The following CNTNAP5 variants were observed in gnomAD, a reference collection of about 807,000 sequenced individuals.
CNTNAP5 encodes contactin associated protein family member 5.
Under a neutral mutation model 150.2 loss-of-function variants are expected in CNTNAP5, and 72 were observed. That is an observed-to-expected ratio of 0.48 (90% CI 0.40 to 0.58). The LOEUF is 0.58. Ranked by LOEUF, CNTNAP5 falls within the 20% of genes least tolerant of loss-of-function variation. The pLI is 0.00. For synonymous variants in CNTNAP5, 672 were observed against 619.8 expected (o/e 1.08, Z -1.25); for missense variants, 1,636 against 1,626.2 (o/e 1.01, Z -0.10).
At chr2:124,132,109 G>A (rs1001039177) in intron 1 of CNTNAP5, among the ~76,000 whole-genome samples, 1 of 152,154 alleles carries the variant, frequency 6.6e-6, no homozygotes, top group African/African-American at 2.4e-5. Context: ...AGGAAGAAAG[G>A]AGATTATTCA....
intron 13 of CNTNAP5, among the ~76,000 whole-genome samples, chr2:124,655,828 G>A (rs568156894): frequency 2.0e-5 from 3 of 151,534 alleles, no homozygotes; most frequent in African/African-American, 7.3e-5. Context: ...TTGATCCCAG[G>A]AGTTCTAGGC....
chr2:124,818,452 A>AAG (rs1682414846), intron 19 of CNTNAP5, among the ~76,000 whole-genome samples: 1 of 152,094 alleles, frequency 6.6e-6, no homozygotes, highest in African/African-American at 2.4e-5. Context: ...ACTTGAGCCC[A>AAG]AGGGGGGTTT....
At chr2:124,595,871 G>A in intron 11 of CNTNAP5, among the ~76,000 whole-genome samples, 1 of 134,250 alleles carries the variant, frequency 7.4e-6, no homozygotes. Context: ...TCTTGGGAGA[G>A]TGTATGTGTC....
At chr2:124,457,040 G>A (rs970409841) in intron 6 of CNTNAP5, among the ~76,000 whole-genome samples, 5 of 152,144 alleles carry the variant, frequency 3.3e-5, no homozygotes, top group Non-Finnish European at 5.9e-5. Context: ...AAAAGTAAAT[G>A]TAATTTAAAC....
chr2:124,447,867 AG>A (rs1290269489), intron 6 of CNTNAP5, among the ~76,000 whole-genome samples: 1 of 152,178 alleles, frequency 6.6e-6, no homozygotes, highest in Non-Finnish European at 1.5e-5. Flanking sequence ...GGAATTCAAA[AG>A]AATAGGCCAT....
At chr2:124,179,264 A>G (rs111557435) in intron 1 of CNTNAP5, among the ~76,000 whole-genome samples, 11,569 of 152,088 alleles carry the variant, frequency 0.076, 615 homozygotes, top group Non-Finnish European at 0.12. Context: ...GGTTCAAGCA[A>G]TTCTCCTGCC....
At chr2:124,900,705 A>G (rs1046845472) in intron 21 of CNTNAP5, among the ~76,000 whole-genome samples, 2 of 151,642 alleles carry the variant, frequency 1.3e-5, no homozygotes, top group Non-Finnish European at 2.9e-5. Context: ...CCTGGGAATG[A>G]GAGCTGGCAA....
intron 11 of CNTNAP5, among the ~76,000 whole-genome samples, chr2:124,607,006 C>A (rs1330196600): frequency 3.9e-5 from 6 of 152,168 alleles, no homozygotes; most frequent in African/African-American, 1.4e-4. Flanking sequence ...TAATCAAGCA[C>A]TTTCTATGTG....
At chr2:124,861,679 T>C (rs1227703318) in intron 19 of CNTNAP5, among the ~76,000 whole-genome samples, 2 of 152,184 alleles carry the variant, frequency 1.3e-5, no homozygotes, top group Admixed American at 6.5e-5. Flanking sequence ...TAGATTTAAC[T>C]TGAGTGCTCC....
chr2:124,727,837 T>A (rs1680190651), intron 13 of CNTNAP5, among the ~76,000 whole-genome samples: 1 of 152,060 alleles, frequency 6.6e-6, no homozygotes, highest in Non-Finnish European at 1.5e-5. Flanking sequence ...GGACTTTAAG[T>A]ACTATGTTGA....
At chr2:124,668,579 T>C (rs1241829084) in intron 13 of CNTNAP5, among the ~76,000 whole-genome samples, 2 of 152,228 alleles carry the variant, frequency 1.3e-5, no homozygotes, top group East Asian at 3.8e-4. Flanking sequence ...ACTCTGTGCT[T>C]GAGTGCAGGA....
intron 12 of CNTNAP5, among the ~76,000 whole-genome samples, chr2:124,645,612 T>A (rs1212327369): frequency 6.6e-6 from 1 of 152,034 alleles, no homozygotes; most frequent in Non-Finnish European, 1.5e-5. Context: ...ACTGGGGACA[T>A]GTGGGTTATC....
intron 17 of CNTNAP5, among the ~76,000 whole-genome samples, chr2:124,786,384 A>G (rs996163875): frequency 3.3e-5 from 3 of 91,030 alleles, no homozygotes; most frequent in African/African-American, 1.5e-4. Context: ...AGAAAGAAAG[A>G]AAGAAAGAAA....
chr2:124,712,066 A>G (rs897086767), intron 13 of CNTNAP5, among the ~76,000 whole-genome samples: 3 of 152,136 alleles, frequency 2.0e-5, no homozygotes, highest in Non-Finnish European at 4.4e-5. Flanking sequence ...TTTATGTCTT[A>G]TTGGCCAGGA....
At chr2:124,683,149 A>C (rs972182049) in intron 13 of CNTNAP5, among the ~76,000 whole-genome samples, 4 of 152,204 alleles carry the variant, frequency 2.6e-5, no homozygotes, top group African/African-American at 7.2e-5. Flanking sequence ...AGGAGTACAC[A>C]GAGTGTGGCT....
intron 11 of CNTNAP5, among the ~76,000 whole-genome samples, chr2:124,585,600 G>T (rs1226875738): frequency 6.7e-6 from 1 of 149,894 alleles, no homozygotes; most frequent in Non-Finnish European, 1.5e-5. Context: ...CAGACATTAG[G>T]CATATAAAGG....
chr2:124,900,785 C>T (rs17012143), intron 21 of CNTNAP5, among the ~76,000 whole-genome samples: 4,601 of 151,552 alleles, frequency 0.03, 441 homozygotes, highest in African/African-American at 0.11. Flanking sequence ...TCCTACAATG[C>T]AAAAACCTCA....
chr2:124,443,899 T>C (rs1192324708), intron 5 of CNTNAP5, among the ~76,000 whole-genome samples: 1 of 151,914 alleles, frequency 6.6e-6, no homozygotes, highest in African/African-American at 2.4e-5. Context: ...TTGGACTTAT[T>C]ATTAATAAAT....
chr2:124,120,359 G>A lies in CNTNAP5; in HGVS notation c.82+94627G>A, dbSNP rs898861128. ...ATTGGCAGGGAGCAAAGGTGAGCCAGAGAGAACTTTTGCATCTTTGGTGCA... is the reference window on the plus strand; with the variant it reads ...ATTGGCAGGGAGCAAAGGTGAGCCAAAGAGAACTTTTGCATCTTTGGTGCA... On this transcript the variant is annotated intron_variant, in intron 1 of 23. Transcript: ENST00000682447. 2.6e-5 allele frequency among the ~76,000 whole-genome samples: 4 copies of A among 152,222 alleles called. No homozygotes were observed. The South Asian group carries it at 6.2e-4, about 24-fold the overall frequency.
Sources: gnomAD v4.1 joint callset for allele counts (sites outside exome capture counted in the v4.1 genomes callset) on GRCh38, gnomAD v4.1.1 for gene constraint, MANE v1.5 for transcripts, NCBI Gene and HGNC (gene_info 2026-07-23, HGNC 2026-07-21) for gene names.